The following CAMTA1 variants were observed in gnomAD, a reference collection of about 807,000 sequenced individuals.
CAMTA1 encodes the protein calmodulin binding transcription activator 1, also known as calmodulin-binding transcription activator 1.
Under a neutral mutation model 170.9 loss-of-function variants are expected in CAMTA1, and 27 were observed. That is an observed-to-expected ratio of 0.16 (90% CI 0.12 to 0.22). The LOEUF (loss-of-function observed/expected upper bound fraction) is 0.22, where lower values mean the gene tolerates loss of function less well. Among genes scored for constraint, CAMTA1 ranks in the 10% least tolerant of loss-of-function variants. The pLI, the probability that CAMTA1 is intolerant of heterozygous loss-of-function variation, is 1.00. For missense variants in CAMTA1, 1,619 were observed against 2,217.2 expected, an observed-to-expected ratio of 0.73 and a Z score of 5.42; for synonymous variants, 833 against 891.5, an observed-to-expected ratio of 0.93 and a Z score of 1.17.
Position 7,408,703 on chromosome 1 carries a change from C to T in CAMTA1, c.439-59127C>T, listed in dbSNP as rs990060346. Among the ~76,000 whole-genome samples the T allele has an allele frequency of 6.6e-5, 10 of 152,196 alleles. No individual in the cohort carries two copies. The East Asian group carries it at 1.2e-3, about 18-fold the overall frequency. On this transcript the variant is annotated intron_variant, in intron 5 of 22. Coordinates refer to ENST00000303635, the MANE Select transcript of CAMTA1 (RefSeq NM_015215.4). ...ACTGCCATCTACAGTAAGCCCTGGG[C>T]GCCAGGCGGCCTGGGTCCTCAGCCT...
chr1:7,645,832 C>T (rs2095799413), intron 7 of CAMTA1, among the ~76,000 whole-genome samples: 1 of 152,272 alleles, frequency 6.6e-6, no homozygotes, highest in Admixed American at 6.5e-5. Context: ...CTCTGTGCAC[C>T]TCCATGCTTC....
At chr1:6,795,469 A>G (rs980125504) in intron 1 of CAMTA1, among the ~76,000 whole-genome samples, 2 of 152,034 alleles carry the variant, frequency 1.3e-5, no homozygotes, top group Non-Finnish European at 2.9e-5. Flanking sequence ...GCTGGGATTT[A>G]CAAGTGTGAG....
At chr1:6,921,303 A>G (rs1197036882) in intron 3 of CAMTA1, among the ~76,000 whole-genome samples, 7 of 152,240 alleles carry the variant, frequency 4.6e-5, no homozygotes, top group African/African-American at 1.7e-4. Context: ...AACAAGAGTC[A>G]CCTTTATTCC....
intron 6 of CAMTA1, among the ~76,000 whole-genome samples, chr1:7,621,093 T>C (rs994430075): frequency 6.6e-6 from 1 of 151,650 alleles, no homozygotes; most frequent in African/African-American, 2.4e-5. Flanking sequence ...GGCCCAACAG[T>C]GGAGAAAAGG....
At position 7,144,711 on chromosome 1, in the gene CAMTA1, A is replaced by G. The variant is rs1646084690; in HGVS notation, c.302+53340A>G. The stretch of plus-strand genomic sequence containing the variant: ...TCAAATGTATTTGCTTCCTTCTACC[A>G]GTCCTGTCTGGTAATCTCTATAAGC... On this transcript the variant is annotated intron_variant, in intron 4 of 22. Coordinates refer to ENST00000303635, the MANE Select transcript of CAMTA1 (RefSeq NM_015215.4). This position sits in a 1 kb window ranked among gnomAD's most constrained non-coding sequence, Gnocchi z 4.0. Among the ~76,000 whole-genome samples the G allele has an allele frequency of 6.6e-6, 1 of 152,242 alleles. No individual in the cohort carries two copies. The highest frequency in any genetic ancestry group is 1.5e-5 in the Non-Finnish European group (1 of 68,042).
At chr1:6,919,391 G>A (rs1306921732) in intron 3 of CAMTA1, among the ~76,000 whole-genome samples, 1 of 152,202 alleles carries the variant, frequency 6.6e-6, no homozygotes, top group African/African-American at 2.4e-5. Flanking sequence ...AAGGGTGTGC[G>A]ACAGCCATGA....
At chr1:7,398,751 T>C (rs558013023) in intron 5 of CAMTA1, among the ~76,000 whole-genome samples, 17 of 152,248 alleles carry the variant, frequency 1.1e-4, no homozygotes, top group African/African-American at 4.1e-4. Context: ...TGAGGTTTGG[T>C]GATTTTCTAT....
In CAMTA1 at chr1:7,249,405, A is replaced by T. The variant is rs1377690911; in HGVS notation, c.303-86A>T. 23 of 1,252,474 alleles carry T rather than the reference A, an allele frequency of 1.8e-5. No individual in the cohort carries two copies. In the East Asian group the frequency reaches 3.8e-4, roughly 21 times the overall value. The allele number at this position is 1,252,474 out of a possible 1,614,324, so 77.6% of individuals were successfully genotyped here. A position where few individuals can be genotyped will look rare whatever the true frequency, so the allele number is the denominator to read the frequency against. On this transcript the variant is annotated intron_variant, in intron 4 of 22. Coordinates refer to ENST00000303635, the MANE Select transcript of CAMTA1 (RefSeq NM_015215.4). The surrounding 1 kb of genome is among the most constrained non-coding windows in gnomAD (Gnocchi z 4.4). ...AATGTGGAATATTGCTTTTCTGTAG[A>T]GACTTTTACTGGTCGATGATATCTT...
chr1:7,750,911 G>A (rs1229635547), intron 19 of CAMTA1: 4 of 528,430 alleles, frequency 7.6e-6, no homozygotes, highest in East Asian at 4.1e-5. Context: ...ATTCATAAAC[G>A]TCTAAGGGTA....
chr1:7,162,056 C>T (rs1647305429), intron 4 of CAMTA1, among the ~76,000 whole-genome samples: 1 of 152,088 alleles, frequency 6.6e-6, no homozygotes, highest in African/African-American at 2.4e-5. Context: ...GAAGGACAGC[C>T]CTGGCAGGAG....
chr1:6,960,397 C>A (rs1690172409), intron 3 of CAMTA1, among the ~76,000 whole-genome samples: 1 of 152,042 alleles, frequency 6.6e-6, no homozygotes, highest in African/African-American at 2.4e-5. Flanking sequence ...TCCTCCAGGG[C>A]AGGGAGTCAT....
chr1:7,223,428 A>G (rs72861837), intron 4 of CAMTA1, among the ~76,000 whole-genome samples: 2,068 of 152,080 alleles, frequency 0.014, 58 homozygotes, highest in African/African-American at 0.046. Flanking sequence ...AGGTGCTAAC[A>G]GGGAGAGTCT....
intron 3 of CAMTA1, among the ~76,000 whole-genome samples, chr1:7,019,865 C>G (rs1701103683): frequency 6.6e-6 from 1 of 152,246 alleles, no homozygotes; most frequent in South Asian, 2.1e-4. Context: ...CTCCAGCTCT[C>G]ATGGAAGCAG....
intron 4 of CAMTA1, among the ~76,000 whole-genome samples, chr1:7,151,712 G>C (rs986250892): frequency 6.6e-6 from 1 of 152,160 alleles, no homozygotes; most frequent in African/African-American, 2.4e-5. Context: ...AGTCGAGGAC[G>C]GAGGACATGG....
chr1:6,943,869 G>GA (rs1218712576), intron 3 of CAMTA1, among the ~76,000 whole-genome samples: 3 of 83,844 alleles, frequency 3.6e-5, no homozygotes. Context: ...AAAAAAAAAA[G>GA]AAAAAAATAC....
At chr1:7,416,527 T>C (rs1312936133) in intron 5 of CAMTA1, among the ~76,000 whole-genome samples, 3 of 152,252 alleles carry the variant, frequency 2.0e-5, no homozygotes, top group Non-Finnish European at 4.4e-5. Context: ...CCATCACTGA[T>C]ACCCTTTCTT....
At chr1:7,411,621 C>G (rs907605136) in intron 5 of CAMTA1, among the ~76,000 whole-genome samples, 1 of 151,176 alleles carries the variant, frequency 6.6e-6, no homozygotes, top group African/African-American at 2.4e-5. Context: ...ACCGAGGACA[C>G]CCTTGCTGGC....
chr1:6,936,781 G>A (rs183377816), intron 3 of CAMTA1, among the ~76,000 whole-genome samples: 101 of 152,254 alleles, frequency 6.6e-4, no homozygotes, highest in African/African-American at 2.4e-3. Flanking sequence ...GAGGTCAGCC[G>A]ATTGAGACCA....
chr1:7,228,134 G>A (rs1334914101), intron 4 of CAMTA1, among the ~76,000 whole-genome samples: 2 of 152,222 alleles, frequency 1.3e-5, no homozygotes, highest in African/African-American at 2.4e-5. Flanking sequence ...ACATGATTGG[G>A]GAACATCATG....
Sources: gnomAD v4.1 joint callset for allele counts (sites outside exome capture counted in the v4.1 genomes callset) on GRCh38, gnomAD v4.1.1 for gene constraint, Gnocchi (gnomAD v3.1) non-coding constraint, MANE v1.5 for transcripts, NCBI Gene and HGNC (gene_info 2026-07-23, HGNC 2026-07-21) for gene names.